Variants in SYT6 observed in about 807,000 individuals in gnomAD.
SYT6 encodes the protein synaptotagmin 6, also known as synaptotagmin-6.
In SYT6, 24 loss-of-function variants were observed where a neutral mutation model predicts 38.4. That is an observed-to-expected ratio of 0.62 (90% confidence interval 0.45 to 0.88). The LOEUF (loss-of-function observed/expected upper bound fraction) is 0.88. Among genes scored for constraint, SYT6 ranks in the 40% least tolerant of loss-of-function variants. The pLI is 0.00. For synonymous variants in SYT6, 265 were observed against 241.9 expected (o/e 1.10, Z -0.89); for missense variants, 611 against 621.0 (o/e 0.98, Z 0.17).
chr1:114,151,682 G>T (rs1254894508), intron 1 of SYT6, among the ~76,000 whole-genome samples: 2 of 152,196 alleles, frequency 1.3e-5, no homozygotes, highest in Non-Finnish European at 2.9e-5. Flanking sequence ...CCAGCATTAA[G>T]GCTCCACTGG....
chr1:114,108,448 C>T (rs111638901), intron 3 of SYT6, among the ~76,000 whole-genome samples: 345 of 152,310 alleles, frequency 2.3e-3, no homozygotes, highest in African/African-American at 6.8e-3. Context: ...AGACCCTCTA[C>T]CCCCAGTTAG....
intron 3 of SYT6, 141 bp downstream of exon 3, chr1:114,137,354 A>G (rs1678540918): frequency 1.8e-5 from 17 of 946,856 alleles, no homozygotes; most frequent in Non-Finnish European, 2.6e-5. Flanking sequence ...AGACTGGGCC[A>G]CTGGGCAGTT....
At chr1:114,111,817 C>T (rs558952125) in intron 3 of SYT6, among the ~76,000 whole-genome samples, 3 of 96,822 alleles carry the variant, frequency 3.1e-5, no homozygotes, top group Non-Finnish European at 4.9e-5. Context: ...CACGTTCCCA[C>T]AGCTGGCTCA....
At chr1:114,149,425 T>C (rs1204215240) in intron 1 of SYT6, among the ~76,000 whole-genome samples, 1 of 151,740 alleles carries the variant, frequency 6.6e-6, no homozygotes, top group Non-Finnish European at 1.5e-5. Flanking sequence ...GAGCTACCAA[T>C]GGGGATAATT....
chr1:114,106,138 T>C (rs2100996329), intron 3 of SYT6, among the ~76,000 whole-genome samples: 1 of 152,294 alleles, frequency 6.6e-6, no homozygotes, highest in East Asian at 1.9e-4. Flanking sequence ...TCTGGCTAAA[T>C]ATTCCATGTC....
intron 3 of SYT6, among the ~76,000 whole-genome samples, chr1:114,124,972 G>A (rs1275623794): frequency 6.6e-6 from 1 of 152,202 alleles, no homozygotes; most frequent in Non-Finnish European, 1.5e-5. Flanking sequence ...TTACAGCCTG[G>A]CACACAGGAG....
At chr1:114,112,112 G>T (rs926305441) in intron 3 of SYT6, among the ~76,000 whole-genome samples, 40 of 152,282 alleles carry the variant, frequency 2.6e-4, no homozygotes, top group Admixed American at 2.2e-3. Context: ...TGCCCCAAGG[G>T]CCTTGCAGCA....
Position 114,109,971 on chromosome 1 carries a change from C to T in SYT6, c.1072-6250G>A, listed in dbSNP as rs960526551. The stretch of plus-strand genomic sequence containing the variant: ...GAAGGGGCAGGGAGTGTTCGGGGCG[C>T]ATGAGAGGTTCCCTGTGGCTGACAG... On this transcript the variant is annotated intron_variant, in intron 3 of 7. Transcript: ENST00000610222. 2.6e-5 allele frequency among the ~76,000 whole-genome samples: 4 copies of T among 152,198 alleles called. No individual in the cohort carries two copies. The South Asian group carries it at 6.2e-4, about 24-fold the overall frequency.
In SYT6 at chr1:114,153,641, G is replaced by C. The variant is rs1679560556; in HGVS notation, c.132C>G (p.Pro44=). The change falls in exon 1 of 8, where the codon CCC becomes CCG. Residue 44 remains proline (P), a synonymous_variant. Coordinates refer to ENST00000610222, the MANE Select transcript of SYT6 (RefSeq NM_001253772.2). ...CTGCCGCGCTGGGACTCCGCTCTGG[G>C]GGCTGCAGCTCGAAGCTCCGACAAG... is the stretch of plus-strand genomic sequence containing the variant. ...VETCRSFELQ[P]PERSPSAAGA... The C allele has an allele frequency of 1.5e-6, 1 of 645,308 alleles. No homozygotes were observed. 40.0% of individuals were successfully genotyped at this position (645,308 alleles called of 1,614,324 possible). A position where few individuals can be genotyped will look rare whatever the true frequency, so the allele number is the denominator to read the frequency against.
intron 6 of SYT6, among the ~76,000 whole-genome samples, chr1:114,096,740 A>G (rs1675663468): frequency 6.6e-6 from 1 of 152,234 alleles, no homozygotes; most frequent in African/African-American, 2.4e-5. Flanking sequence ...CCGAGGGGCC[A>G]TGCAGTGAAA....
At chr1:114,120,933 TG>T (rs1677357747) in intron 3 of SYT6, among the ~76,000 whole-genome samples, 1 of 152,208 alleles carries the variant, frequency 6.6e-6, no homozygotes, top group Admixed American at 6.5e-5. Flanking sequence ...CTGCCCTGGC[TG>T]GAGAACAGAG....
chr1:114,125,958 T>C (rs2101052619), intron 3 of SYT6, among the ~76,000 whole-genome samples: 1 of 152,272 alleles, frequency 6.6e-6, no homozygotes, highest in Admixed American at 6.5e-5. Context: ...TTAATGCCTT[T>C]AACTCCAAAT....
At chr1:114,146,571 T>C (rs911030847) in intron 1 of SYT6, among the ~76,000 whole-genome samples, 1 of 152,234 alleles carries the variant, frequency 6.6e-6, no homozygotes. Context: ...TGAGTCCTGA[T>C]CCAGTGCTCT....
At chr1:114,093,682 A>G in intron 7 of SYT6, 53 bp downstream of exon 7, 1 of 1,539,794 alleles carries the variant, frequency 6.5e-7, no homozygotes, top group Non-Finnish European at 8.9e-7. Flanking sequence ...GGGAAGAAGG[A>G]GACAAAAGGT....
chr1:114,151,170 C>A (rs1679420489), intron 1 of SYT6, among the ~76,000 whole-genome samples: 1 of 152,160 alleles, frequency 6.6e-6, no homozygotes, highest in African/African-American at 2.4e-5. Flanking sequence ...TCTCCCCAGA[C>A]CCTCTGGTCA....
At chr1:114,133,806 A>T (rs1162658369) in intron 3 of SYT6, among the ~76,000 whole-genome samples, 2 of 152,210 alleles carry the variant, frequency 1.3e-5, no homozygotes, top group East Asian at 3.8e-4. Flanking sequence ...CTCTGGAACA[A>T]TCTGGGCTGG....
chr1:114,121,437 C>T (rs1484329964), intron 3 of SYT6, among the ~76,000 whole-genome samples: 2 of 152,208 alleles, frequency 1.3e-5, no homozygotes, highest in East Asian at 1.9e-4. Flanking sequence ...CCCCTCACAG[C>T]CTCCATGGTA....
At chr1:114,109,744 G>A (rs1231121674) in intron 3 of SYT6, among the ~76,000 whole-genome samples, 2 of 152,202 alleles carry the variant, frequency 1.3e-5, no homozygotes, top group African/African-American at 4.8e-5. Flanking sequence ...GGTCGGTGCA[G>A]TAATAGAGGT....
intron 3 of SYT6, among the ~76,000 whole-genome samples, chr1:114,135,284 C>A (rs778756083): frequency 6.6e-6 from 1 of 152,130 alleles, no homozygotes; most frequent in Non-Finnish European, 1.5e-5. Context: ...ATCAAGGAGA[C>A]CTTCACCAGC....
Sources: allele counts gnomAD v4.1 joint callset (sites outside exome capture counted in the v4.1 genomes callset), GRCh38; gene constraint gnomAD v4.1.1; transcripts MANE v1.5; gene names NCBI Gene and HGNC (gene_info 2026-07-23, HGNC 2026-07-21).